SLC25A26: variants seen among roughly 807,000 people sequenced by gnomAD.
SLC25A26 encodes solute carrier family 25 member 26.
Under a neutral mutation model 37.8 loss-of-function variants are expected in SLC25A26, and 36 were observed. That is an observed-to-expected ratio of 0.95 (90% CI 0.73 to 1.26). The LOEUF (loss-of-function observed/expected upper bound fraction) is 1.26, where lower values mean the gene tolerates loss of function less well. SLC25A26 is among the 50% of genes most tolerant of loss of function. SLC25A26 has a pLI of 0.00. For synonymous variants in SLC25A26, 129 were observed against 122.5 expected (o/e 1.05, Z -0.35); for missense variants, 390 against 331.1 (o/e 1.18, Z -1.38).
intron 9 of SLC25A26, chr3:66,371,307 ACCT>A (rs1486004302): frequency 2.6e-6 from 4 of 1,549,862 alleles, no homozygotes; most frequent in Non-Finnish European, 3.5e-6. Context: ...TGGCAGTGCC[ACCT>A]CCTCATCCTG....
chr3:66,222,523 A>C (rs984357526), intron 1 of SLC25A26, among the ~76,000 whole-genome samples: 1 of 152,230 alleles, frequency 6.6e-6, no homozygotes, highest in Admixed American at 6.5e-5. Flanking sequence ...AGCTGGTGAC[A>C]CAGCAGCAGT....
intron 5 of SLC25A26, among the ~76,000 whole-genome samples, chr3:66,309,551 C>A (rs1271228181): frequency 6.6e-6 from 1 of 151,700 alleles, no homozygotes; most frequent in Non-Finnish European, 1.5e-5. Flanking sequence ...TGCTAGCTTT[C>A]GAATTTGTTT....
At chr3:66,189,606 T>C (rs1052557037) in intron 1 of SLC25A26, among the ~76,000 whole-genome samples, 4 of 152,242 alleles carry the variant, frequency 2.6e-5, no homozygotes, top group Non-Finnish European at 5.9e-5. Context: ...TCAATAAGAA[T>C]GTGCTTTTGA....
intron 3 of SLC25A26, among the ~76,000 whole-genome samples, chr3:66,257,498 C>A (rs1405192402): frequency 6.6e-6 from 1 of 152,138 alleles, no homozygotes; most frequent in African/African-American, 2.4e-5. Flanking sequence ...AACCAAAGAT[C>A]CAGGTTTGAT....
chr3:66,148,654 C>T (rs1279907887), intron 1 of SLC25A26, among the ~76,000 whole-genome samples: 1 of 152,214 alleles, frequency 6.6e-6, no homozygotes, highest in Non-Finnish European at 1.5e-5. Context: ...CTGTGAGTTA[C>T]CTCTCATACC....
chr3:66,252,034 C>T (rs187740490), intron 3 of SLC25A26, among the ~76,000 whole-genome samples: 4 of 152,218 alleles, frequency 2.6e-5, no homozygotes, highest in Admixed American at 2.0e-4. Context: ...GTTGAAGAAA[C>T]GATTCTGAGC....
At chr3:66,359,568 T>C (rs780170953) in intron 6 of SLC25A26, among the ~76,000 whole-genome samples, 9 of 152,178 alleles carry the variant, frequency 5.9e-5, no homozygotes, top group Non-Finnish European at 1.3e-4. Flanking sequence ...TCAACAGAAA[T>C]CTAGTTTATA....
At position 66,221,143 on chromosome 3, in the gene SLC25A26, T is replaced by TG; in HGVS notation, c.33+20dup. 1 of 1,504,270 alleles carries TG rather than the reference T, an allele frequency of 6.6e-7. No individual in the cohort carries two copies. The highest frequency in any genetic ancestry group is 1.4e-5 in the African/African-American group (1 of 70,518). The allele number at this position is 1,504,270 out of a possible 1,614,324, so 93.2% of individuals were successfully genotyped here. A position where few individuals can be genotyped will look rare whatever the true frequency, so the allele number is the denominator to read the frequency against. On this transcript the variant is annotated intron_variant, in intron 1 of 9. Coordinates refer to ENST00000354883, the MANE Select transcript of SLC25A26 (RefSeq NM_001379210.1). ...AGCGCTGGTGGTGAGTGCGGGGCGG[T>TG]GGGGTGGGTTGCTCAGAGTGCCGGC...
chr3:66,171,157 G>C (rs925490172), intron 1 of SLC25A26, among the ~76,000 whole-genome samples: 9 of 152,154 alleles, frequency 5.9e-5, no homozygotes, highest in African/African-American at 2.2e-4. Flanking sequence ...TGGCAGCAGA[G>C]CTATCCCCAA....
chr3:66,265,536 T>C (rs2073711346), intron 5 of SLC25A26, among the ~76,000 whole-genome samples: 1 of 152,216 alleles, frequency 6.6e-6, no homozygotes, highest in South Asian at 2.1e-4. Flanking sequence ...TCTGGTATAC[T>C]GAAACATAAT....
chr3:66,243,248 A>G lies in SLC25A26; in HGVS notation c.236A>G (p.His79Arg), dbSNP rs782325382. ...ITYEYVKWFL[H>R]ADSSSYLTPM... is the part of the protein sequence containing the mutation. ...TATGAATATGTGAAGTGGTTTTTGCATGCTGATTCATCTTCATATTTGACA... is the reference window on the plus strand; with the variant it reads ...TATGAATATGTGAAGTGGTTTTTGCGTGCTGATTCATCTTCATATTTGACA... The change falls in exon 3 of 10, where the codon CAT (histidine) becomes CGT (arginine). Residue 79 changes from histidine to arginine, a missense_variant. Physicochemically the swap from His to Arg is conservative, Grantham distance 29 (BLOSUM62 0). Transcript: ENST00000354883. The G allele has an allele frequency of 2.5e-6, 4 of 1,610,098 alleles. No homozygotes were observed. Among genetic ancestry groups the G allele is most frequent in the Non-Finnish European group, 3.4e-6 (4 of 1,177,652 alleles).
chr3:66,281,995 CATTTTTTTTT>C (rs1559652142), intron 5 of SLC25A26, among the ~76,000 whole-genome samples: 2 of 87,866 alleles, frequency 2.3e-5, no homozygotes, highest in Non-Finnish European at 4.3e-5. Flanking sequence ...ACTGATTTTG[CATTTTTTTTT>C]TTTTTTTTTT....
intron 5 of SLC25A26, among the ~76,000 whole-genome samples, chr3:66,283,272 G>A (rs1360277540): frequency 1.3e-5 from 2 of 152,040 alleles, no homozygotes; most frequent in East Asian, 3.9e-4. Context: ...TAGAAACTGT[G>A]AACTCTTTTC....
At chr3:66,239,007 TC>T (rs1235474937) in intron 2 of SLC25A26, among the ~76,000 whole-genome samples, 1 of 152,258 alleles carries the variant, frequency 6.6e-6, no homozygotes, top group African/African-American at 2.4e-5. Context: ...TGCTTTAGTT[TC>T]AATGCCCATA....
chr3:66,259,521 A>G lies in SLC25A26; in HGVS notation c.301-2530A>G, dbSNP rs78451497. Among the ~76,000 whole-genome samples the G allele has an allele frequency of 7.4e-4, 112 of 152,188 alleles. 1 individual carries two copies. The East Asian group carries it at 0.021, about 29-fold the overall frequency. ...GGGACCACCATATGCCTATTATCCA[A>G]ACCAGAAACAGAAGCATCTTACTGT... On this transcript the variant is annotated intron_variant, in intron 3 of 9. Transcript: ENST00000354883.
chr3:66,182,718 G>T (rs745792265), intron 1 of SLC25A26, among the ~76,000 whole-genome samples: 3 of 13,542 alleles, frequency 2.2e-4, no homozygotes, highest in East Asian at 2.9e-3. Flanking sequence ...GTGGGCGGCG[G>T]GGGGGGGGGG....
rs782737179 is a variant in SLC25A26, at chr3:66,243,319, A to AACAAGTTTTGTGTATAAACTTATAC, written c.300+25_300+26insCTTATACACAAGTTTTGTGTATAAA. 2 of 1,484,422 alleles carry AACAAGTTTTGTGTATAAACTTATAC rather than the reference A, an allele frequency of 1.3e-6. No homozygotes were observed. Among genetic ancestry groups the AACAAGTTTTGTGTATAAACTTATAC allele is most frequent in the East Asian group, 4.5e-5 (2 of 43,988 alleles). 92.0% of individuals were successfully genotyped at this position (1,484,422 alleles called of 1,614,324 possible). A position where few individuals can be genotyped will look rare whatever the true frequency, so the allele number is the denominator to read the frequency against. On this transcript the variant is annotated splice_region_variant and intron_variant, in intron 3 of 9. Coordinates refer to ENST00000354883, the MANE Select transcript of SLC25A26 (RefSeq NM_001379210.1). ...TGCCTCTGCTGGAGAAGTGGTAAGT[A>AACAAGTTTTGTGTATAAACTTATAC]ACAAGTTTTGTGTATAAAATACTTC...
chr3:66,249,358 C>T (rs1345578450), intron 3 of SLC25A26, among the ~76,000 whole-genome samples: 1 of 152,196 alleles, frequency 6.6e-6, no homozygotes, highest in Non-Finnish European at 1.5e-5. Context: ...TTGGTATCAG[C>T]ATATGGGGCA....
chr3:66,278,726 T>TTTAG (rs1345680733), intron 5 of SLC25A26, among the ~76,000 whole-genome samples: 8 of 152,192 alleles, frequency 5.3e-5, no homozygotes, highest in African/African-American at 1.4e-4. Context: ...ATCTTACAAC[T>TTTAG]TTCTCTTGAC....
Sources: gnomAD v4.1 joint callset for allele counts (sites outside exome capture counted in the v4.1 genomes callset) on GRCh38, gnomAD v4.1.1 for gene constraint, MANE v1.5 for transcripts, NCBI Gene and HGNC (gene_info 2026-07-23, HGNC 2026-07-21) for gene names.